Variants in EPHA8 observed in about 807,000 individuals in gnomAD.
The protein encoded by EPHA8 is ephrin type-A receptor 8.
EPHA8 carries 58 observed loss-of-function variants against 103.6 expected under a neutral mutation model. The observed-to-expected ratio is 0.56, with a 90% CI of 0.45 to 0.70. The LOEUF (loss-of-function observed/expected upper bound fraction) is 0.70, where lower values mean the gene tolerates loss of function less well. Ranked by LOEUF, EPHA8 falls within the 30% of genes least tolerant of loss-of-function variation. The pLI, the probability that EPHA8 is intolerant of heterozygous loss-of-function variation, is 0.00. For synonymous variants in EPHA8, 559 were observed against 572.5 expected (o/e 0.98, Z 0.34); for missense variants, 1,304 against 1,395.2 (o/e 0.93, Z 1.04).
intron 3 of EPHA8, among the ~76,000 whole-genome samples, chr1:22,578,186 G>C (rs1037906894): frequency 3.4e-5 from 4 of 116,084 alleles, no homozygotes; most frequent in South Asian, 3.3e-4. Context: ...ATGTGTGTGC[G>C]TGCATGTGTG....
Position 22,588,672 on chromosome 1 carries a change from G to A in EPHA8, c.980-199G>A, listed in dbSNP as rs1171107196. The stretch of plus-strand genomic sequence containing the variant: ...GGTTCTGTGCCCAGACTCTGACATT[G>A]TGGTCCCGGTCTGATGGCAGAGACA... On this transcript the variant is annotated intron_variant, in intron 4 of 16. Coordinates refer to ENST00000166244, the MANE Select transcript of EPHA8 (RefSeq NM_020526.5). Among the ~76,000 whole-genome samples, 5 of 152,244 alleles carry A rather than the reference G, an allele frequency of 3.3e-5. No homozygotes were observed. In the East Asian group the frequency reaches 9.7e-4, roughly 29 times the overall value.
chr1:22,579,490 C>T (rs1383036711), intron 3 of EPHA8, among the ~76,000 whole-genome samples: 1 of 151,226 alleles, frequency 6.6e-6, no homozygotes, highest in African/African-American at 2.4e-5. Context: ...GAGTGTATGT[C>T]TGCATGGTGT....
chr1:22,596,618 T>A (rs940934799), intron 9 of EPHA8, among the ~76,000 whole-genome samples: 1 of 151,996 alleles, frequency 6.6e-6, no homozygotes, highest in Non-Finnish European at 1.5e-5. Context: ...AGACTCCTCC[T>A]TAACTACTTT....
chr1:22,577,164 C>T (rs981818149), intron 3 of EPHA8, among the ~76,000 whole-genome samples: 65 of 152,116 alleles, frequency 4.3e-4, no homozygotes, highest in African/African-American at 1.5e-3. Context: ...CTAAAGGCAC[C>T]TGTGCAATTG....
chr1:22,600,912 G>T lies in EPHA8; in HGVS notation c.2553G>T (p.Val851=). 4 of 1,608,744 alleles carry T rather than the reference G, an allele frequency of 2.5e-6. No homozygotes were observed. Among genetic ancestry groups the T allele is most frequent in the Non-Finnish European group, 1.7e-6 (2 of 1,177,546 alleles). The change falls in exon 15 of 17, where the codon GTG becomes GTT. Residue 851 remains valine, a synonymous_variant. Coordinates refer to ENST00000166244, the MANE Select transcript of EPHA8 (RefSeq NM_020526.5). ...NMTNRDVISS[V]EEGYRLPAPM... ...ATCCCCTGCAGGTCATCAGCTCTGT[G>T]GAGGAGGGGTACCGCCTGCCCGCAC...
In EPHA8 at chr1:22,563,815, T is replaced by C. The variant is rs1415777861; in HGVS notation, c.94+86T>C. On this transcript the variant is annotated intron_variant, in intron 1 of 16. Coordinates refer to ENST00000166244, the MANE Select transcript of EPHA8 (RefSeq NM_020526.5). The surrounding 1 kb of genome is among the most constrained non-coding windows in gnomAD (Gnocchi z 4.4). ...TGCCTGCGGCTCAACTTCCTTTGCA[T>C]GGACCCTGAGCTCCAAGGCGGCCGG... The C allele has an allele frequency of 2.6e-5, 4 of 152,220 alleles. No homozygotes were observed. The highest frequency in any genetic ancestry group is 7.3e-5 in the African/African-American group (3 of 41,288). The allele number at this position is 152,220 out of a possible 1,614,324, so 9.4% of individuals were successfully genotyped here.
chr1:22,578,657 GTGAGTGTATGTATGCATTTGTGCA>G (rs1265086815), intron 3 of EPHA8, among the ~76,000 whole-genome samples: 3 of 150,928 alleles, frequency 2.0e-5, no homozygotes, highest in Admixed American at 6.6e-5. Context: ...GTGTGTGCAT[GTGAGTGTATGTATGCATTTGTGCA>G]TGAGTGTATG....
intron 5 of EPHA8, among the ~76,000 whole-genome samples, chr1:22,591,301 T>C (rs1050420242): frequency 6.6e-6 from 1 of 152,132 alleles, no homozygotes; most frequent in Non-Finnish European, 1.5e-5. Context: ...CACGGCTCAC[T>C]GCAGTCTTGA....
chr1:22,589,433 C>T lies in EPHA8; in HGVS notation c.1315+227C>T, dbSNP rs555106292. The T allele has an allele frequency of 6.7e-6, 10 of 1,494,712 alleles. No homozygotes were observed. The South Asian group carries it at 1.4e-4, about 21-fold the overall frequency. 92.6% of individuals were successfully genotyped at this position (1,494,712 alleles called of 1,614,324 possible). A position where few individuals can be genotyped will look rare whatever the true frequency, so the allele number is the denominator to read the frequency against. ...GAAATCCCAAAAGCTCAGAGGCAGG[C>T]TAGTGTGGCCGTCGAAAGCCTAGGT... is the stretch of plus-strand genomic sequence containing the variant. On this transcript the variant is annotated intron_variant, in intron 5 of 16. Transcript: ENST00000166244. The surrounding 1 kb of genome is among the most constrained non-coding windows in gnomAD (Gnocchi z 4.3).
intron 4 of EPHA8, among the ~76,000 whole-genome samples, chr1:22,586,928 C>G (rs547052052): frequency 6.6e-6 from 1 of 152,384 alleles, no homozygotes; most frequent in South Asian, 2.1e-4. Context: ...TCTGATCTAG[C>G]AGCGATGCCG....
At chr1:22,568,702 G>A (rs542064551) in intron 1 of EPHA8, among the ~76,000 whole-genome samples, 1 of 152,250 alleles carries the variant, frequency 6.6e-6, no homozygotes, top group African/African-American at 2.4e-5. Context: ...CACGGAGGAC[G>A]TGCTAAATGC....
chr1:22,602,389 G>A lies in EPHA8; in HGVS notation c.*648G>A, dbSNP rs1293959198. On this transcript the variant is annotated 3_prime_UTR_variant, in exon 17 of 17. Transcript: ENST00000166244. ...CCAGGCCCACCCTCGTCTCTGCCTG[G>A]GTGAGCCCACCCCGGCTGTATCTCA... 1 of 153,316 alleles carries A rather than the reference G, an allele frequency of 6.5e-6. No individual in the cohort carries two copies. Among genetic ancestry groups the A allele is most frequent in the Non-Finnish European group, 1.5e-5 (1 of 68,714 alleles). The allele number at this position is 153,316 out of a possible 1,614,324, so 9.5% of individuals were successfully genotyped here.
intron 9 of EPHA8, 65 bp downstream of exon 9, chr1:22,596,238 G>C (rs990067335): frequency 2.2e-5 from 34 of 1,516,236 alleles, no homozygotes; most frequent in Non-Finnish European, 3.1e-5. Flanking sequence ...GTGCTGGACT[G>C]GGGGTGGCAC....
In EPHA8 at chr1:22,598,289, C is replaced by G; in HGVS notation, c.2178+77C>G. On this transcript the variant is annotated intron_variant, in intron 12 of 16. Transcript: ENST00000166244. This position sits in a 1 kb window ranked among gnomAD's most constrained non-coding sequence, Gnocchi z 5.1. Reference sequence around the variant, plus strand: ...CTGGGTGCTGGGAGATAGTGCAAAGCCCTCTAAGCCCCCTCCCTGGCTTGG... The same window carrying G: ...CTGGGTGCTGGGAGATAGTGCAAAGGCCTCTAAGCCCCCTCCCTGGCTTGG... 1 of 1,426,648 alleles carries G rather than the reference C, an allele frequency of 7.0e-7. No individual in the cohort carries two copies. The highest frequency in any genetic ancestry group is 2.3e-5 in the East Asian group (1 of 43,588). 88.4% of individuals were successfully genotyped at this position (1,426,648 alleles called of 1,614,324 possible).
At position 22,593,386 on chromosome 1, in the gene EPHA8, T is replaced by G; in HGVS notation, c.1376T>G (p.Leu459Arg). ...ERAGQTSVSL[L>R]WQEPEQPNGI... Reference sequence around the variant, plus strand: ...GCGGGGCAGACCAGCGTCTCGCTGCTGTGGCAGGAGCCCGAGCAGCCGAAC... The same window carrying G: ...GCGGGGCAGACCAGCGTCTCGCTGCGGTGGCAGGAGCCCGAGCAGCCGAAC... The change falls in exon 6 of 17, where the codon CTG becomes CGG. Residue 459 changes from leucine (L) to arginine (R), a missense_variant. Physicochemically the swap from Leu to Arg is moderately radical, Grantham distance 102 (BLOSUM62 -2). Transcript: ENST00000166244. 6.3e-7 allele frequency: 1 copy of G among 1,590,000 alleles called. No individual in the cohort carries two copies. The highest frequency in any genetic ancestry group is 2.3e-5 in the East Asian group (1 of 43,688).
At chr1:22,591,743 T>C (rs992919449) in intron 5 of EPHA8, among the ~76,000 whole-genome samples, 11 of 152,116 alleles carry the variant, frequency 7.2e-5, no homozygotes, top group Admixed American at 1.3e-4. Context: ...ACTGGGTCTT[T>C]CCCTGCTGCT....
chr1:22,579,208 C>CAT (rs1640957431), intron 3 of EPHA8, among the ~76,000 whole-genome samples: 1 of 134,696 alleles, frequency 7.4e-6, no homozygotes, highest in Non-Finnish European at 1.6e-5. Context: ...TACCTGTGTG[C>CAT]ATGTGTGTGT....
At chr1:22,572,007 T>C (rs1369610407) in intron 2 of EPHA8, among the ~76,000 whole-genome samples, 2 of 152,062 alleles carry the variant, frequency 1.3e-5, no homozygotes, top group African/African-American at 4.8e-5. Context: ...GCCTGGGTAA[T>C]GGAGAGAGAT....
intron 4 of EPHA8, among the ~76,000 whole-genome samples, 157 bp downstream of exon 4, chr1:22,586,792 C>T (rs1359995826): frequency 6.7e-6 from 1 of 148,492 alleles, no homozygotes; most frequent in East Asian, 2.0e-4. Flanking sequence ...GGGGGGGTGA[C>T]TCTGATCCCT....
Sources: gnomAD v4.1 joint callset for allele counts (sites outside exome capture counted in the v4.1 genomes callset) on GRCh38, gnomAD v4.1.1 for gene constraint, Gnocchi (gnomAD v3.1) non-coding constraint, MANE v1.5 for transcripts, NCBI Gene and HGNC (gene_info 2026-07-23, HGNC 2026-07-21) for gene names.